Variants in PRH1 observed in about 807,000 individuals in gnomAD.
PRH1 encodes salivary acidic proline-rich phosphoprotein 1/2.
A neutral mutation model predicts 7.9 loss-of-function variants in PRH1; 7 were observed. The ratio of observed to expected loss-of-function variants is 0.89; its 90% CI spans 0.50 to 1.67. The LOEUF is 1.67. PRH1 is among the 40% of genes most tolerant of loss of function. PRH1 has a pLI of 0.00. For missense variants in PRH1, 109 were observed against 223.6 expected (o/e 0.49, Z 3.27); for synonymous variants, 45 against 80.8 (o/e 0.56, Z 2.38).
At chr12:11,112,813 G>A (rs1488110916) in intron 1 of PRH1, among the ~76,000 whole-genome samples, 1 of 152,168 alleles carries the variant, frequency 6.6e-6, no homozygotes, top group Non-Finnish European at 1.5e-5. Context: ...CAATCAGGAA[G>A]AGAAAGAAAT....
intron 1 of PRH1, among the ~76,000 whole-genome samples, chr12:11,059,974 A>T (rs949567169): frequency 6.6e-6 from 1 of 151,960 alleles, no homozygotes; most frequent in Admixed American, 6.6e-5. Flanking sequence ...TTGCTCTCTG[A>T]TCTTACATTC....
At chr12:11,074,115 C>A (rs1178264802) in intron 1 of PRH1, among the ~76,000 whole-genome samples, 1 of 148,254 alleles carries the variant, frequency 6.7e-6, no homozygotes, top group East Asian at 1.9e-4. Flanking sequence ...CAGCACCTTG[C>A]CTGATCCAGA....
intron 2 of PRH1, among the ~76,000 whole-genome samples, chr12:10,968,354 A>T (rs7308933): frequency 0.26 from 39,264 of 152,004 alleles, 5,118 homozygotes; most frequent in Non-Finnish European, 0.27. Context: ...GATATTCTTT[A>T]TTTAAATTAC....
At chr12:11,048,970 T>G (rs535446035), upstream of PRH1, 3 of 282,364 alleles carry the variant, frequency 1.1e-5, no homozygotes, top group Admixed American at 7.7e-5. Flanking sequence ...AACACCCAGA[T>G]GCTGAAATGC....
intron 1 of PRH1, among the ~76,000 whole-genome samples, chr12:11,128,151 A>T (rs1826282512): frequency 6.6e-6 from 1 of 151,358 alleles, no homozygotes; most frequent in Admixed American, 6.6e-5. Flanking sequence ...AACCTCAACA[A>T]TTGTATAACT....
chr12:11,072,787 T>C (rs1944132050), intron 1 of PRH1, among the ~76,000 whole-genome samples: 1 of 129,274 alleles, frequency 7.7e-6, no homozygotes, highest in African/African-American at 2.7e-5. Context: ...TGAATATTTC[T>C]TGTTTTTCAC....
At chr12:11,103,360 T>C (rs918509538) in intron 1 of PRH1, among the ~76,000 whole-genome samples, 1 of 152,086 alleles carries the variant, frequency 6.6e-6, no homozygotes, top group African/African-American at 2.4e-5. Context: ...TATGCAGCCA[T>C]AAAAAATGAT....
rs183426801 is a variant in PRH1, at chr12:10,987,266, G to A, written c.-125-13545C>T. On this transcript the variant is annotated intron_variant, in intron 1 of 3. Transcript: ENST00000539853. ...TAATTTGTGTTCAGCAACTTCAGCT[G>A]TTAGATAGGGAAATTTTACCCCCGA... is the stretch of plus-strand genomic sequence containing the variant. Among the ~76,000 whole-genome samples, 4 of 152,220 alleles carry A rather than the reference G, an allele frequency of 2.6e-5. No individual in the cohort carries two copies. In the East Asian group the frequency reaches 7.7e-4, roughly 29 times the overall value.
intron 1 of PRH1, among the ~76,000 whole-genome samples, chr12:11,101,588 A>G (rs186307341): frequency 1.3e-5 from 2 of 152,320 alleles, no homozygotes; most frequent in African/African-American, 2.4e-5. Context: ...AATGATATCT[A>G]TAAGAATATG....
intron 1 of PRH1, among the ~76,000 whole-genome samples, chr12:10,990,538 G>A (rs1939884107): frequency 6.6e-6 from 1 of 152,182 alleles, no homozygotes. Flanking sequence ...AATGATTATA[G>A]GACTTTGTAA....
intron 1 of PRH1, among the ~76,000 whole-genome samples, chr12:11,140,266 A>G (rs1275310621): frequency 6.6e-6 from 1 of 152,156 alleles, no homozygotes; most frequent in East Asian, 1.9e-4. Flanking sequence ...AACAACTCCT[A>G]AAAGGACTCA....
rs147501376 is a variant in PRH1 at position 10,912,309 on chromosome 12, G to A, written c.-58-28034C>T. Among the ~76,000 whole-genome samples the A allele has an allele frequency of 1.9e-4, 29 of 152,128 alleles. No individual in the cohort carries two copies. The East Asian group carries it at 2.9e-3, about 15-fold the overall frequency. On this transcript the variant is annotated intron_variant, in intron 2 of 3. Transcript: ENST00000539853. ...TATGATCTTGATCTGGAACCATTCC[G>A]TTGCCTATTTCTTCTGGTCTTGTTT...
intron 1 of PRH1, among the ~76,000 whole-genome samples, chr12:11,136,382 T>C (rs1416061235): frequency 2.0e-5 from 3 of 152,226 alleles, no homozygotes; most frequent in Non-Finnish European, 2.9e-5. Context: ...CCATCCTTAA[T>C]GTACATTTGG....
In PRH1 at chr12:11,039,962, C is replaced by T. The variant is rs928500706; in HGVS notation, c.-126+7058G>A. 2.0e-5 allele frequency among the ~76,000 whole-genome samples: 3 copies of T among 146,530 alleles called. No individual in the cohort carries two copies. The Admixed American group carries it at 2.1e-4, about 10-fold the overall frequency. On this transcript the variant is annotated intron_variant, in intron 1 of 3. Coordinates refer to the PRH1 transcript ENST00000539853. Reference sequence around the variant, plus strand: ...TGCTTTTCCACTTGGGCTTTTCAGACCATTTTCAATATTTATCAAACTTAT... The same window carrying T: ...TGCTTTTCCACTTGGGCTTTTCAGATCATTTTCAATATTTATCAAACTTAT...
chr12:10,958,679 G>A (rs936573660), intron 2 of PRH1, among the ~76,000 whole-genome samples: 25 of 152,182 alleles, frequency 1.6e-4, no homozygotes, highest in Middle Eastern at 3.2e-3. Context: ...GTTGATATCT[G>A]AGAAAGAGCA....
intron 1 of PRH1, among the ~76,000 whole-genome samples, chr12:11,148,087 TTGTC>T (rs1739715127): frequency 6.9e-6 from 1 of 145,484 alleles, no homozygotes; most frequent in African/African-American, 2.5e-5. Context: ...GGCTCTCTGT[TTGTC>T]TGTTATTGGT....
At chr12:10,927,800 G>A (rs1950143742) in intron 2 of PRH1, among the ~76,000 whole-genome samples, 1 of 152,136 alleles carries the variant, frequency 6.6e-6, no homozygotes, top group South Asian at 2.1e-4. Context: ...TGCACAAAAA[G>A]TGAAAAATTA....
Position 11,043,955 on chromosome 12 carries a change from T to C in PRH1, c.-126+3065A>G, listed in dbSNP as rs911732380. 4.6e-5 allele frequency among the ~76,000 whole-genome samples: 7 copies of C among 152,248 alleles called. No individual in the cohort carries two copies. In the East Asian group the frequency reaches 1.3e-3, roughly 29 times the overall value. ...AGAGAAAACAATCCTAAAATTTATA[T>C]GGAGCCACAACTGACCCAGAATAGC... On this transcript the variant is annotated intron_variant, in intron 1 of 3. Coordinates refer to the PRH1 transcript ENST00000539853.
At chr12:11,059,613 G>A (rs756970928) in intron 1 of PRH1, among the ~76,000 whole-genome samples, 7 of 151,806 alleles carry the variant, frequency 4.6e-5, no homozygotes, top group African/African-American at 1.2e-4. Flanking sequence ...TGTAATAGGC[G>A]CCATCTAATT....
Sources: gnomAD v4.1 joint callset for allele counts (sites outside exome capture counted in the v4.1 genomes callset) on GRCh38, gnomAD v4.1.1 for gene constraint, MANE v1.5 for transcripts, NCBI Gene and HGNC (gene_info 2026-07-23, HGNC 2026-07-21) for gene names.